Variants in CADM2 observed in about 807,000 individuals in gnomAD.
The protein encoded by CADM2 is cell adhesion molecule 2.
In CADM2, 12 loss-of-function variants were observed where a neutral mutation model predicts 49.8. The ratio of observed to expected loss-of-function variants is 0.24; its 90% CI spans 0.15 to 0.39. The LOEUF (loss-of-function observed/expected upper bound fraction) is 0.39. Among genes scored for constraint, CADM2 ranks in the 10% least tolerant of loss-of-function variants. CADM2 has a pLI of 1.00. For synonymous variants in CADM2, 214 were observed against 175.4 expected, an observed-to-expected ratio of 1.22 and a Z score of -1.74; for missense variants, 378 against 492.3, an observed-to-expected ratio of 0.77 and a Z score of 2.20.
chr3:85,127,725 C>G (rs1231034003), intron 1 of CADM2, among the ~76,000 whole-genome samples: 1 of 152,128 alleles, frequency 6.6e-6, no homozygotes, highest in Non-Finnish European at 1.5e-5. Flanking sequence ...ATCATCCTGG[C>G]TTCTGTATAC....
intron 1 of CADM2, among the ~76,000 whole-genome samples, chr3:85,570,207 C>G (rs1188715451): frequency 6.6e-6 from 1 of 152,042 alleles, no homozygotes; most frequent in Non-Finnish European, 1.5e-5. Flanking sequence ...AGAAATCTGC[C>G]TGTCTACCTA....
chr3:85,206,969 C>T (rs972159991), intron 1 of CADM2, among the ~76,000 whole-genome samples: 2 of 107,114 alleles, frequency 1.9e-5, no homozygotes, highest in East Asian at 2.6e-4. Flanking sequence ...CCATAACCTC[C>T]CCCCCTTCAA....
chr3:85,580,727 A>G (rs2062769991), intron 1 of CADM2, among the ~76,000 whole-genome samples: 1 of 152,152 alleles, frequency 6.6e-6, no homozygotes, highest in South Asian at 2.1e-4. Context: ...TAACAAATTC[A>G]TAATTTTGTT....
At chr3:85,106,928 G>A (rs1005074356) in intron 1 of CADM2, among the ~76,000 whole-genome samples, 1 of 152,112 alleles carries the variant, frequency 6.6e-6, no homozygotes, top group African/African-American at 2.4e-5. Context: ...AGAATTAGGA[G>A]ATCTAAAAGA....
At chr3:85,684,456 G>A (rs2066142234) in intron 1 of CADM2, among the ~76,000 whole-genome samples, 1 of 152,124 alleles carries the variant, frequency 6.6e-6, no homozygotes, top group African/African-American at 2.4e-5. Context: ...GAGAGAGAGA[G>A]AGAGAGAGAG....
At chr3:85,882,151 C>A (rs149242645) in intron 3 of CADM2, among the ~76,000 whole-genome samples, 1 of 151,202 alleles carries the variant, frequency 6.6e-6, no homozygotes, top group Non-Finnish European at 1.5e-5. Context: ...GAGACATCCC[C>A]CCGCCCCCAC....
At chr3:85,629,791 T>A (rs966840774) in intron 1 of CADM2, among the ~76,000 whole-genome samples, 1 of 151,982 alleles carries the variant, frequency 6.6e-6, no homozygotes, top group Non-Finnish European at 1.5e-5. Context: ...AGGCCCACAG[T>A]GGGCCAGACA....
At chr3:84,986,861 G>T (rs2032594751) in intron 1 of CADM2, among the ~76,000 whole-genome samples, 2 of 151,790 alleles carry the variant, frequency 1.3e-5, no homozygotes, top group African/African-American at 4.8e-5. Flanking sequence ...AGACCACCCT[G>T]ACCAACATGG....
At position 85,625,787 on chromosome 3, in the gene CADM2, CAAAAT is replaced by C. The variant is rs1218004818; in HGVS notation, c.62-100731_62-100727del. On this transcript the variant is annotated intron_variant, in intron 1 of 9. Coordinates refer to ENST00000383699, the MANE Select transcript of CADM2 (RefSeq NM_001167675.2). ...TGTAGTTTCGTACTGTGATACATAT[CAAAAT>C]AAAGTTTCTCCCTGCTTTTCTCTAA... 3.3e-5 allele frequency among the ~76,000 whole-genome samples: 5 copies of C among 151,868 alleles called. No individual in the cohort carries two copies. The East Asian group carries it at 9.7e-4, about 29-fold the overall frequency.
At chr3:85,942,303 T>C (rs897887804) in intron 7 of CADM2, among the ~76,000 whole-genome samples, 3 of 134,134 alleles carry the variant, frequency 2.2e-5, no homozygotes, top group Non-Finnish European at 4.6e-5. Context: ...TACCAGCCAC[T>C]GCAAAACCAT....
At chr3:85,465,129 G>A (rs1185225744) in intron 1 of CADM2, among the ~76,000 whole-genome samples, 1 of 152,146 alleles carries the variant, frequency 6.6e-6, no homozygotes, top group African/African-American at 2.4e-5. Context: ...CAGCCTGGGA[G>A]ACAGAACGAG....
intron 1 of CADM2, among the ~76,000 whole-genome samples, chr3:85,700,657 G>A (rs1461067437): frequency 2.6e-5 from 4 of 152,072 alleles, no homozygotes; most frequent in Admixed American, 1.3e-4. Context: ...TAGATCCTTA[G>A]GGTTGGGCAC....
At chr3:84,978,011 T>A (rs2031939607) in intron 1 of CADM2, among the ~76,000 whole-genome samples, 1 of 152,112 alleles carries the variant, frequency 6.6e-6, no homozygotes, top group African/African-American at 2.4e-5. Flanking sequence ...AAGTTTGTCT[T>A]CTCCTTTCAC....
chr3:85,551,042 G>T (rs1052504303), intron 1 of CADM2, among the ~76,000 whole-genome samples: 1 of 152,072 alleles, frequency 6.6e-6, no homozygotes, highest in African/African-American at 2.4e-5. Flanking sequence ...GGAGTGTAGT[G>T]GTGTGATTTT....
At chr3:85,426,236 G>A (rs750992641) in intron 1 of CADM2, among the ~76,000 whole-genome samples, 3 of 151,640 alleles carry the variant, frequency 2.0e-5, no homozygotes, top group Non-Finnish European at 4.4e-5. Context: ...CGACCTCTTA[G>A]GCTCAAGCAA....
chr3:85,267,255 G>C (rs891364459), intron 1 of CADM2, among the ~76,000 whole-genome samples: 2 of 151,688 alleles, frequency 1.3e-5, no homozygotes, highest in African/African-American at 4.8e-5. Flanking sequence ...TTTGCATGTA[G>C]GTAGCGTCTG....
intron 2 of CADM2, among the ~76,000 whole-genome samples, chr3:85,792,713 C>G (rs1168839366): frequency 6.6e-6 from 1 of 152,238 alleles, no homozygotes; most frequent in African/African-American, 2.4e-5. Flanking sequence ...CACCACTCAT[C>G]ATCCAATCAA....
chr3:85,313,637 C>A (rs908346727), intron 1 of CADM2, among the ~76,000 whole-genome samples: 3 of 152,180 alleles, frequency 2.0e-5, no homozygotes, highest in African/African-American at 7.2e-5. Flanking sequence ...GGGTGATGAG[C>A]TATTACACAA....
intron 1 of CADM2, among the ~76,000 whole-genome samples, chr3:85,308,486 T>TATTGA (rs1447860966): frequency 4.6e-5 from 7 of 152,018 alleles, no homozygotes; most frequent in Non-Finnish European, 1.0e-4. Context: ...ACTATCCTGC[T>TATTGA]ATTGACTTGG....
Sources: gnomAD v4.1 joint callset for allele counts (sites outside exome capture counted in the v4.1 genomes callset) on GRCh38, gnomAD v4.1.1 for gene constraint, MANE v1.5 for transcripts, NCBI Gene and HGNC (gene_info 2026-07-23, HGNC 2026-07-21) for gene names.